Variants in UPK1B observed in about 807,000 individuals in gnomAD.
UPK1B encodes the protein uroplakin-1b.
Under a neutral mutation model 34.2 loss-of-function variants are expected in UPK1B, and 28 were observed. That is an observed-to-expected ratio of 0.82 (90% CI 0.61 to 1.12). UPK1B has a LOEUF of 1.12. Among genes scored for constraint, UPK1B ranks in the 50% most tolerant of loss-of-function variants. The pLI is 0.00. For synonymous variants in UPK1B, 81 were observed against 110.4 expected (o/e 0.73, Z 1.67); for missense variants, 325 against 320.9 (o/e 1.01, Z -0.10).
intron 7 of UPK1B, among the ~76,000 whole-genome samples, chr3:119,200,593 C>T (rs1007628018): frequency 3.3e-5 from 5 of 152,186 alleles, no homozygotes; most frequent in Non-Finnish European, 7.3e-5. Flanking sequence ...TCCAGAAAAT[C>T]ACATGTGGCA....
At chr3:119,180,424 T>G (rs893793977) in intron 1 of UPK1B, among the ~76,000 whole-genome samples, 1 of 152,238 alleles carries the variant, frequency 6.6e-6, no homozygotes, top group Non-Finnish European at 1.5e-5. Context: ...AGACTGATAC[T>G]GACCAAACAC....
chr3:119,186,362 G>A (rs867287070), intron 1 of UPK1B, among the ~76,000 whole-genome samples: 3 of 152,300 alleles, frequency 2.0e-5, no homozygotes, highest in South Asian at 4.1e-4. Context: ...AGGGCAGTGA[G>A]GGCTATGCCA....
At chr3:119,203,864 G>A (rs2078106527) in intron 7 of UPK1B, 53 bp from the exon 8 acceptor site, 2 of 1,568,962 alleles carry the variant, frequency 1.3e-6, no homozygotes, top group Admixed American at 3.3e-5. Flanking sequence ...CCAAGAATGA[G>A]ATGTTTCTAA....
Position 119,204,241 on chromosome 3 carries a change from T to G in UPK1B, c.*274T>G. The G allele has an allele frequency of 2.4e-6, 1 of 411,552 alleles. No individual in the cohort carries two copies. The highest frequency in any genetic ancestry group is 5.4e-5 in the South Asian group (1 of 18,554). The allele number at this position is 411,552 out of a possible 1,614,324, so 25.5% of individuals were successfully genotyped here. ...AATAACTACTTCCATCCCTGCTTAT[T>G]TTTAATTTGGGAAAATAAATACATT... On this transcript the variant is annotated 3_prime_UTR_variant, in exon 8 of 8. Transcript: ENST00000264234.
At chr3:119,185,192 A>G (rs1187194737) in intron 1 of UPK1B, among the ~76,000 whole-genome samples, 1 of 152,240 alleles carries the variant, frequency 6.6e-6, no homozygotes, top group African/African-American at 2.4e-5. Flanking sequence ...CTGAGCTAAA[A>G]GTGCTCATAA....
intron 2 of UPK1B, 57 bp from the exon 3 acceptor site, chr3:119,187,718 C>T: frequency 6.7e-7 from 1 of 1,502,246 alleles, no homozygotes; most frequent in Non-Finnish European, 9.3e-7. Flanking sequence ...TCCCCACCCT[C>T]CACCCCCTTT....
intron 1 of UPK1B, among the ~76,000 whole-genome samples, chr3:119,184,692 C>T (rs1286322885): frequency 6.6e-6 from 1 of 152,098 alleles, no homozygotes; most frequent in Non-Finnish European, 1.5e-5. Flanking sequence ...TGCCACTGCA[C>T]TGCAGCCTGG....
chr3:119,179,399 T>TATATATA (rs1559900078), intron 1 of UPK1B, among the ~76,000 whole-genome samples: 1,702 of 54,102 alleles, frequency 0.031, 309 homozygotes, highest in Non-Finnish European at 0.04. Context: ...ATATATATAT[T>TATATATA]AATTCTAAGG....
rs1029331829 is a variant in UPK1B at position 119,202,737 on chromosome 3, C to G, written c.733-1180C>G. Reference sequence around the variant, plus strand: ...AGAGGCAGCCATTCCAGGGCACAAGCATTTTAGGAAAAAATAGAAGTTCCC... The same window carrying G: ...AGAGGCAGCCATTCCAGGGCACAAGGATTTTAGGAAAAAATAGAAGTTCCC... On this transcript the variant is annotated intron_variant, in intron 7 of 7. Coordinates refer to ENST00000264234, the MANE Select transcript of UPK1B (RefSeq NM_006952.4). Among the ~76,000 whole-genome samples the G allele has an allele frequency of 2.0e-5, 3 of 152,202 alleles. No individual in the cohort carries two copies. In the East Asian group the frequency reaches 5.8e-4, roughly 29 times the overall value.
At chr3:119,201,150 C>T (rs1242416583) in intron 7 of UPK1B, among the ~76,000 whole-genome samples, 1 of 152,112 alleles carries the variant, frequency 6.6e-6, no homozygotes, top group East Asian at 1.9e-4. Context: ...GTTTTACTTC[C>T]CACTGCATTT....
At chr3:119,184,816 T>C (rs1347827514) in intron 1 of UPK1B, among the ~76,000 whole-genome samples, 1 of 152,210 alleles carries the variant, frequency 6.6e-6, no homozygotes, top group African/African-American at 2.4e-5. Context: ...TTGATATCGG[T>C]GCTGAATTTG....
intron 4 of UPK1B, 102 bp downstream of exon 4, chr3:119,190,421 A>G (rs1230109201): frequency 2.6e-6 from 2 of 760,614 alleles, no homozygotes; most frequent in African/African-American, 3.5e-5. Context: ...CAATATGCAC[A>G]GTAATAATAC....
intron 3 of UPK1B, among the ~76,000 whole-genome samples, chr3:119,188,813 C>T (rs1390642174): frequency 6.6e-6 from 1 of 152,224 alleles, no homozygotes; most frequent in Non-Finnish European, 1.5e-5. Context: ...TATTCAAATG[C>T]TGCAGGACCT....
In UPK1B at chr3:119,199,154, A is replaced by T; in HGVS notation, c.732+14A>T. ...CTCTGCTGGACTGTGAGTATTTCCC[A>T]GCACATATTTTATCTGAGAGGATGA... is the stretch of plus-strand genomic sequence containing the variant. On this transcript the variant is annotated intron_variant, in intron 7 of 7. Coordinates refer to ENST00000264234, the MANE Select transcript of UPK1B (RefSeq NM_006952.4). The T allele has an allele frequency of 6.2e-7, 1 of 1,613,876 alleles. No individual in the cohort carries two copies. Among genetic ancestry groups the T allele is most frequent in the Non-Finnish European group, 8.5e-7 (1 of 1,179,838 alleles).
intron 3 of UPK1B, among the ~76,000 whole-genome samples, chr3:119,189,220 C>T (rs2078033405): frequency 6.6e-6 from 1 of 152,144 alleles, no homozygotes; most frequent in East Asian, 1.9e-4. Context: ...CAGCAGCTAA[C>T]ACAGGAAAAA....
chr3:119,184,018 C>A (rs564508702), intron 1 of UPK1B, among the ~76,000 whole-genome samples: 1 of 152,180 alleles, frequency 6.6e-6, no homozygotes, highest in Non-Finnish European at 1.5e-5. Flanking sequence ...CTTCCAATAA[C>A]CAACCCACAG....
rs71156734 is a variant in UPK1B, at chr3:119,179,398, T to TATATATATATATATA, written c.-29+5760_-29+5761insATATATATATATATA. Among the ~76,000 whole-genome samples the TATATATATATATATA allele has an allele frequency of 9.0e-4, 53 of 58,834 alleles. 1 individual carries two copies. The highest frequency in any genetic ancestry group is 1.3e-3 in the South Asian group (2 of 1,586). The allele number at this position is 58,834 out of a possible 152,430, so 38.6% of individuals were successfully genotyped here. ...ATATATATATATATATATATATATATTAATTCTAAGGAATTAACCTATGTG... is the reference window on the plus strand; with the variant it reads ...ATATATATATATATATATATATATATATATATATATATATATAATTCTAAGGAATTAACCTATGTG... On this transcript the variant is annotated intron_variant, in intron 1 of 7. Coordinates refer to ENST00000264234, the MANE Select transcript of UPK1B (RefSeq NM_006952.4).
At chr3:119,188,769 C>T (rs1327249023) in intron 3 of UPK1B, among the ~76,000 whole-genome samples, 5 of 152,312 alleles carry the variant, frequency 3.3e-5, no homozygotes, top group East Asian at 1.9e-4. Context: ...TTATGGAACA[C>T]GCCTCCAATC....
intron 6 of UPK1B, among the ~76,000 whole-genome samples, chr3:119,197,873 T>A (rs75724204): frequency 0.014 from 2,092 of 152,278 alleles, 50 homozygotes; most frequent in African/African-American, 0.048. Flanking sequence ...TGAGATGATA[T>A]TTGCAGAGGT....
Sources: gnomAD v4.1 joint callset for allele counts (sites outside exome capture counted in the v4.1 genomes callset) on GRCh38, gnomAD v4.1.1 for gene constraint, MANE v1.5 for transcripts, NCBI Gene and HGNC (gene_info 2026-07-23, HGNC 2026-07-21) for gene names.